The following RORA variants were observed in gnomAD, a reference collection of about 807,000 sequenced individuals.
RORA encodes nuclear receptor ROR-alpha.
RORA carries 7 observed loss-of-function variants against 69.5 expected under a neutral mutation model. That is an observed-to-expected ratio of 0.10 (90% CI 0.06 to 0.19). The LOEUF is 0.19. Ranked by LOEUF, RORA falls within the 10% of genes least tolerant of loss-of-function variation. The probability of loss-of-function intolerance (pLI) is 1.00; values close to 1 mark genes in which losing one functional copy is unlikely to be tolerated. For synonymous variants in RORA, 261 were observed against 240.8 expected, an observed-to-expected ratio of 1.08 and a Z score of -0.78; for missense variants, 457 against 663.0, an observed-to-expected ratio of 0.69 and a Z score of 3.41.
rs566806421 is a variant in RORA, at chr15:60,655,452, T to C, written c.196+23205A>G. 3.9e-5 allele frequency among the ~76,000 whole-genome samples: 6 copies of C among 152,206 alleles called. No individual in the cohort carries two copies. In the South Asian group the frequency reaches 1.2e-3, roughly 32 times the overall value. On this transcript the variant is annotated intron_variant, in intron 2 of 10. Transcript: ENST00000335670. ...GCCAATTGCTTTAAGAATACCTGTTTAGTGTTTCCAGGGACTCAAAGCTCC... is the reference window on the plus strand; with the variant it reads ...GCCAATTGCTTTAAGAATACCTGTTCAGTGTTTCCAGGGACTCAAAGCTCC...
intron 1 of RORA, among the ~76,000 whole-genome samples, chr15:60,875,114 C>T (rs1208272236): frequency 6.6e-6 from 1 of 152,002 alleles, no homozygotes; most frequent in African/African-American, 2.4e-5. Flanking sequence ...AGCTTACTGA[C>T]CCCTAAGTTT....
chr15:61,125,087 TTGG>T (rs1163668786), intron 1 of RORA, among the ~76,000 whole-genome samples: 4 of 152,342 alleles, frequency 2.6e-5, no homozygotes, highest in Admixed American at 6.5e-5. Flanking sequence ...GATTGCAATG[TTGG>T]TGGTGATGAA....
chr15:61,092,337 G>A (rs2078720298), intron 1 of RORA, among the ~76,000 whole-genome samples: 1 of 152,170 alleles, frequency 6.6e-6, no homozygotes, highest in African/African-American at 2.4e-5. Context: ...TAGTTTTTAG[G>A]TCTCTCGGTA....
chr15:61,047,426 G>C (rs559240936), intron 1 of RORA, among the ~76,000 whole-genome samples: 2 of 152,200 alleles, frequency 1.3e-5, no homozygotes, highest in Non-Finnish European at 2.9e-5. Flanking sequence ...TTGGGTTTTT[G>C]CAAGTGGGAG....
At chr15:60,760,857 C>T (rs938703897) in intron 1 of RORA, among the ~76,000 whole-genome samples, 1 of 152,112 alleles carries the variant, frequency 6.6e-6, no homozygotes, top group African/African-American at 2.4e-5. Context: ...GACAGACACA[C>T]ACACACACAC....
At chr15:61,227,972 C>G (rs2080163305) in intron 1 of RORA, among the ~76,000 whole-genome samples, 1 of 152,164 alleles carries the variant, frequency 6.6e-6, no homozygotes, top group Admixed American at 6.5e-5. Flanking sequence ...AAAGAGTGAG[C>G]TTTCCTCAAC....
intron 1 of RORA, among the ~76,000 whole-genome samples, chr15:60,703,709 C>T (rs1203289783): frequency 1.3e-5 from 2 of 152,154 alleles, no homozygotes; most frequent in African/African-American, 4.8e-5. Flanking sequence ...ATCACACATC[C>T]TTTCTGATGA....
intron 1 of RORA, among the ~76,000 whole-genome samples, chr15:60,950,088 T>G (rs1445905455): frequency 4.0e-5 from 6 of 151,420 alleles, no homozygotes; most frequent in South Asian, 2.1e-4. Context: ...ACAGCGGATC[T>G]CTCGGCAGAA....
chr15:60,719,696 T>C (rs1232836443), intron 1 of RORA, among the ~76,000 whole-genome samples: 1 of 152,228 alleles, frequency 6.6e-6, no homozygotes, highest in African/African-American at 2.4e-5. Flanking sequence ...TCCACAGAAC[T>C]GGTACATATC....
chr15:60,917,034 A>G (rs2140485400), intron 1 of RORA, among the ~76,000 whole-genome samples: 1 of 152,292 alleles, frequency 6.6e-6, no homozygotes, highest in Admixed American at 6.5e-5. Flanking sequence ...GCCTTGAAGA[A>G]GTATCCGGCT....
intron 1 of RORA, among the ~76,000 whole-genome samples, chr15:61,159,304 AC>A (rs2140881766): frequency 6.6e-6 from 1 of 152,176 alleles, no homozygotes; most frequent in East Asian, 1.9e-4. Context: ...TTACCCATCT[AC>A]CCTTGCTGAA....
At chr15:60,664,038 G>GT (rs2140723276) in intron 2 of RORA, among the ~76,000 whole-genome samples, 1 of 152,204 alleles carries the variant, frequency 6.6e-6, no homozygotes, top group Admixed American at 6.5e-5. Flanking sequence ...TAAGAGAAAC[G>GT]TATCAACAGA....
rs926107139 is a variant in RORA at position 61,061,563 on chromosome 15, T to A, written c.166+167490A>T. Among the ~76,000 whole-genome samples, 1 of 152,082 alleles carries A rather than the reference T, an allele frequency of 6.6e-6. No homozygotes were observed. The highest frequency in any genetic ancestry group is 2.4e-5 in the African/African-American group (1 of 41,398). ...TAAAGTGTAATTCCCAGATTTTCAG[T>A]AACTTACGTACCAACCTCTAAGCCC... On this transcript the variant is annotated intron_variant, in intron 1 of 10. Transcript: ENST00000335670. The surrounding 1 kb of genome is among the most constrained non-coding windows in gnomAD (Gnocchi z 4.4).
chr15:60,632,843 A>G (rs754083189), intron 2 of RORA, among the ~76,000 whole-genome samples: 1 of 152,178 alleles, frequency 6.6e-6, no homozygotes, highest in Non-Finnish European at 1.5e-5. Context: ...TTTTCCAGAG[A>G]CTGGATTTTG....
At chr15:60,605,429 T>C (rs1206651567) in intron 2 of RORA, among the ~76,000 whole-genome samples, 1 of 152,174 alleles carries the variant, frequency 6.6e-6, no homozygotes, top group African/African-American at 2.4e-5. Flanking sequence ...TAAAAACCAA[T>C]AATTTTAATA....
chr15:60,799,467 G>C (rs553998981), intron 1 of RORA, among the ~76,000 whole-genome samples: 1 of 152,174 alleles, frequency 6.6e-6, no homozygotes, highest in African/African-American at 2.4e-5. Context: ...GTTGCTGTCT[G>C]GCACGTCTTT....
chr15:60,840,511 A>C (rs964116076), intron 1 of RORA, among the ~76,000 whole-genome samples: 1 of 152,194 alleles, frequency 6.6e-6, no homozygotes, highest in African/African-American at 2.4e-5. Context: ...CCCCACTCTC[A>C]CCAGCAGAGG....
chr15:60,579,576 T>G (rs535252186), intron 2 of RORA, among the ~76,000 whole-genome samples: 1 of 152,334 alleles, frequency 6.6e-6, no homozygotes, highest in African/African-American at 2.4e-5. Context: ...AACTAGCTAT[T>G]CTAACATGCT....
intron 1 of RORA, among the ~76,000 whole-genome samples, chr15:61,066,340 A>T (rs2078257158): frequency 6.6e-6 from 1 of 152,020 alleles, no homozygotes; most frequent in Non-Finnish European, 1.5e-5. Context: ...TTCATCTGGG[A>T]AACTTTTTTT....
Sources: gnomAD v4.1 joint callset for allele counts (sites outside exome capture counted in the v4.1 genomes callset) on GRCh38, gnomAD v4.1.1 for gene constraint, Gnocchi (gnomAD v3.1) non-coding constraint, MANE v1.5 for transcripts, NCBI Gene and HGNC (gene_info 2026-07-23, HGNC 2026-07-21) for gene names.